MAP2K2: variants seen among roughly 807,000 people sequenced by gnomAD.
The protein encoded by MAP2K2 is mitogen-activated protein kinase kinase 2, also known as dual specificity mitogen-activated protein kinase kinase 2.
A neutral mutation model predicts 43.7 loss-of-function variants in MAP2K2; 24 were observed. The ratio of observed to expected loss-of-function variants is 0.55; its 90% confidence interval spans 0.40 to 0.77. The LOEUF is 0.77. MAP2K2 is among the 30% of genes least tolerant of loss of function. The probability of loss-of-function intolerance (pLI) is 0.00; values close to 1 mark genes in which losing one functional copy is unlikely to be tolerated. For synonymous variants in MAP2K2, 244 were observed against 239.7 expected (o/e 1.02, Z -0.17); for missense variants, 470 against 566.8 (o/e 0.83, Z 1.73).
intron 1 of MAP2K2, among the ~76,000 whole-genome samples, chr19:4,119,846 G>A (rs1440691171): frequency 2.6e-5 from 4 of 152,248 alleles, no homozygotes; most frequent in Admixed American, 6.5e-5. Context: ...GGGAATGAAG[G>A]CGTGGACTGC....
At chr19:4,105,666 T>C (rs1263434822) in intron 3 of MAP2K2, among the ~76,000 whole-genome samples, 1 of 152,094 alleles carries the variant, frequency 6.6e-6, no homozygotes, top group East Asian at 1.9e-4. Context: ...CTTATATTGT[T>C]CCAGATCTTT....
At chr19:4,090,892 G>T (rs376516710) in intron 10 of MAP2K2, among the ~76,000 whole-genome samples, 184 bp from the exon 11 acceptor site, 3 of 152,218 alleles carry the variant, frequency 2.0e-5, no homozygotes, top group Non-Finnish European at 4.4e-5. Context: ...AAGGGGCAGC[G>T]GCGTGTGCCA....
chr19:4,097,380 T>G (rs1239906693), intron 7 of MAP2K2, 37 bp from the exon 8 acceptor site: 1 of 1,524,796 alleles, frequency 6.6e-7, no homozygotes, highest in Non-Finnish European at 9.1e-7. Flanking sequence ...GATGGGCCGA[T>G]GGCCACCTCA....
chr19:4,093,411 C>T (rs1268622523), intron 10 of MAP2K2, among the ~76,000 whole-genome samples: 1 of 151,642 alleles, frequency 6.6e-6, no homozygotes, highest in Non-Finnish European at 1.5e-5. Flanking sequence ...ATTTTTTTGA[C>T]CAGGTGCGGT....
At chr19:4,094,028 G>A (rs575336030) in intron 10 of MAP2K2, among the ~76,000 whole-genome samples, 5 of 152,158 alleles carry the variant, frequency 3.3e-5, no homozygotes, top group South Asian at 2.1e-4. Context: ...AGGGGACACC[G>A]AAGTACGCAC....
intron 2 of MAP2K2, among the ~76,000 whole-genome samples, chr19:4,113,454 C>G (rs1453683668): frequency 1.3e-5 from 2 of 152,118 alleles, no homozygotes; most frequent in African/African-American, 4.8e-5. Context: ...TCCTGAGCAC[C>G]TGCACCCTCT....
chr19:4,123,166 T>C lies in MAP2K2; in HGVS notation c.92+618A>G, dbSNP rs144914820. 3.5e-3 allele frequency among the ~76,000 whole-genome samples: 524 copies of C among 151,066 alleles called. 2 individuals carry two copies. The highest frequency in any genetic ancestry group is 0.012 in the African/African-American group (493 of 41,016). On this transcript the variant is annotated intron_variant, in intron 1 of 10. Coordinates refer to ENST00000262948, the MANE Select transcript of MAP2K2 (RefSeq NM_030662.4). Reference sequence around the variant, plus strand: ...ACTACTCAAGGACCCCACACTGTGTTCTCTCCTCTTAGAGATACCCCTCAC... The same window carrying C: ...ACTACTCAAGGACCCCACACTGTGTCCTCTCCTCTTAGAGATACCCCTCAC...
chr19:4,117,663 C>G (rs2145081091), intron 1 of MAP2K2, 34 bp from the exon 2 acceptor site: 4 of 1,597,604 alleles, frequency 2.5e-6, no homozygotes, highest in Non-Finnish European at 3.4e-6. Flanking sequence ...GGTTAGCTAC[C>G]TAGGGAGACT....
intron 1 of MAP2K2, among the ~76,000 whole-genome samples, chr19:4,121,833 C>CT (rs35965112): frequency 0.11 from 5,473 of 47,790 alleles, 963 homozygotes; most frequent in African/African-American, 0.16. Context: ...CTGACCCCCC[C>CT]AAAGTCCCCC....
rs1331294575 is a variant in MAP2K2, at chr19:4,115,420, C to A, written c.303+1999G>T. Among the ~76,000 whole-genome samples, 6 of 152,218 alleles carry A rather than the reference C, an allele frequency of 3.9e-5. No homozygotes were observed. The highest frequency in any genetic ancestry group is 3.3e-4 in the Admixed American group (5 of 15,288). ...CCAGCCCATCAGGGACCACTGGAGG[C>A]TCCCCCAGAAGCCTGAGGGTCCCTG... is the stretch of plus-strand genomic sequence containing the variant. On this transcript the variant is annotated intron_variant, in intron 2 of 10. Transcript: ENST00000262948. The surrounding 1 kb of genome is among the most constrained non-coding windows in gnomAD (Gnocchi z 4.1).
Position 4,123,797 on chromosome 19 carries a change from C to T in MAP2K2, c.79G>A (p.Glu27Lys), listed in dbSNP as rs1414051360. ...TIAEGPSPTS[E>K]GASEANLVDL... ...CTGCCCACTCACTCGGAGGCGCCCT[C>T]GCTGGTAGGGGATGGGCCCTCGGCG... The change falls in exon 1 of 11, where the codon GAG becomes AAG. Residue 27 changes from glutamate (E) to lysine (K), a missense_variant. Transcript: ENST00000262948. 9.0e-6 allele frequency: 14 copies of T among 1,561,472 alleles called. No individual in the cohort carries two copies. Among genetic ancestry groups the T allele is most frequent in the Non-Finnish European group, 1.2e-5 (14 of 1,158,514 alleles).
At chr19:4,102,536 G>T in intron 3 of MAP2K2, 83 bp from the exon 4 acceptor site, 1 of 1,128,002 alleles carries the variant, frequency 8.9e-7, no homozygotes, top group Non-Finnish European at 1.3e-6. Context: ...CCCGGCGAGG[G>T]GGTGGTCTGC....
intron 2 of MAP2K2, among the ~76,000 whole-genome samples, chr19:4,112,643 G>A (rs1028091718): frequency 1.4e-5 from 2 of 146,814 alleles, no homozygotes; most frequent in African/African-American, 5.5e-5. Context: ...CTTGACCGCA[G>A]CCCTGGCGCT....
At chr19:4,100,231 G>A (rs1461028323) in intron 6 of MAP2K2, 2 of 152,198 alleles carry the variant, frequency 1.3e-5, no homozygotes, top group Non-Finnish European at 2.9e-5. Context: ...GGGTGAGAGT[G>A]TGAGACTGTG....
intron 1 of MAP2K2, among the ~76,000 whole-genome samples, chr19:4,122,093 C>T (rs1322261168): frequency 2.1e-5 from 3 of 144,372 alleles, no homozygotes; most frequent in Non-Finnish European, 4.6e-5. Context: ...CGCTCCCCGC[C>T]CCCCCAAGAC....
At chr19:4,103,182 C>T (rs936896924) in intron 3 of MAP2K2, 15 of 989,946 alleles carry the variant, frequency 1.5e-5, no homozygotes, top group Non-Finnish European at 1.8e-5. Context: ...CTGTGGTCTC[C>T]TCGCCACTGT....
At chr19:4,094,629 G>A in intron 9 of MAP2K2, 131 bp from the exon 10 acceptor site, 1 of 817,842 alleles carries the variant, frequency 1.2e-6, no homozygotes. Context: ...CAGAGAGAGT[G>A]GCACAGAGTG....
intron 1 of MAP2K2, among the ~76,000 whole-genome samples, chr19:4,118,237 CG>C (rs1218970216): frequency 2.6e-5 from 4 of 152,136 alleles, no homozygotes; most frequent in Non-Finnish European, 5.9e-5. Context: ...TGCACGCGGC[CG>C]GGAGACCTCC....
intron 9 of MAP2K2, 101 bp from the exon 10 acceptor site, chr19:4,094,599 G>A: frequency 8.8e-7 from 1 of 1,136,518 alleles, no homozygotes; most frequent in Non-Finnish European, 1.3e-6. Context: ...GTGGTCGGAG[G>A]GGGCCTGGAT....
Sources: allele counts gnomAD v4.1 joint callset (sites outside exome capture counted in the v4.1 genomes callset), GRCh38; gene constraint gnomAD v4.1.1; non-coding constraint Gnocchi (gnomAD v3.1); transcripts MANE v1.5; gene names NCBI Gene and HGNC (gene_info 2026-07-23, HGNC 2026-07-21).